The following ROBO2 variants were observed in gnomAD, a reference collection of about 807,000 sequenced individuals.
ROBO2 encodes the protein roundabout guidance receptor 2.
ROBO2 carries 53 observed loss-of-function variants against 160.8 expected under a neutral mutation model. The observed-to-expected ratio is 0.33, with a 90% confidence interval of 0.26 to 0.41. The LOEUF (loss-of-function observed/expected upper bound fraction) is 0.41, where lower values mean the gene tolerates loss of function less well. Ranked by LOEUF, ROBO2 falls within the 10% of genes least tolerant of loss-of-function variation. ROBO2 has a pLI of 1.00. For missense variants in ROBO2, 1,577 were observed against 1,722.4 expected (o/e 0.92, Z 1.49); for synonymous variants, 664 against 611.7 (o/e 1.09, Z -1.26).
At chr3:76,698,757 T>A (rs977730185) in intron 2 of ROBO2, among the ~76,000 whole-genome samples, 1 of 152,206 alleles carries the variant, frequency 6.6e-6, no homozygotes, top group African/African-American at 2.4e-5. Flanking sequence ...GAAAACTATT[T>A]ATTTATCTTT....
intron 2 of ROBO2, among the ~76,000 whole-genome samples, chr3:77,277,277 G>A (rs1000827289): frequency 1.6e-4 from 23 of 141,914 alleles, no homozygotes; most frequent in Non-Finnish European, 3.1e-4. Context: ...TTCTTTTAGA[G>A]TTCATTGCAT....
chr3:76,789,807 T>TA (rs1281612948), intron 2 of ROBO2, among the ~76,000 whole-genome samples: 5 of 151,618 alleles, frequency 3.3e-5, no homozygotes, highest in Admixed American at 6.6e-5. Flanking sequence ...TGTCATGTAT[T>TA]AAGTCAAGGG....
At chr3:76,737,344 G>A (rs1438924356) in intron 2 of ROBO2, among the ~76,000 whole-genome samples, 1 of 151,232 alleles carries the variant, frequency 6.6e-6, no homozygotes, top group African/African-American at 2.4e-5. Context: ...TTCTGTTGTG[G>A]TGTCTGCTAT....
intron 2 of ROBO2, among the ~76,000 whole-genome samples, chr3:75,996,876 T>A (rs1482120688): frequency 6.6e-6 from 1 of 152,144 alleles, no homozygotes; most frequent in Admixed American, 6.5e-5. Flanking sequence ...TATATGTAAA[T>A]CTTCACTACT....
intron 2 of ROBO2, among the ~76,000 whole-genome samples, chr3:76,116,974 T>C (rs1225204770): frequency 6.6e-6 from 1 of 152,176 alleles, no homozygotes; most frequent in East Asian, 1.9e-4. Flanking sequence ...TTCAAAAAAC[T>C]GAAGAAATAG....
intron 2 of ROBO2, among the ~76,000 whole-genome samples, chr3:76,380,652 A>C (rs1351285561): frequency 6.6e-6 from 1 of 152,144 alleles, no homozygotes; most frequent in Admixed American, 6.6e-5. Context: ...CTGACTGTTT[A>C]TGTTATCAGT....
At chr3:76,013,406 C>T (rs111652457) in intron 2 of ROBO2, among the ~76,000 whole-genome samples, 24 of 142,934 alleles carry the variant, frequency 1.7e-4, no homozygotes, top group East Asian at 6.6e-4. Context: ...GGCACGGTGG[C>T]TTATGTGTGT....
rs564454068 is a variant in ROBO2 at position 76,266,309 on chromosome 3, G to A, written c.109+328707G>A. The stretch of plus-strand genomic sequence containing the variant: ...AATATAGAAAACTTTTTAAAATCAA[G>A]GGTTGACAAATTATTATCCATTGAC... On this transcript the variant is annotated intron_variant, in intron 2 of 26. Transcript: ENST00000487694. 1.8e-4 allele frequency among the ~76,000 whole-genome samples: 28 copies of A among 152,172 alleles called. No homozygotes were observed. In the South Asian group the frequency reaches 5.2e-3, roughly 28 times the overall value.
chr3:76,002,754 C>T (rs1215560841), intron 2 of ROBO2, among the ~76,000 whole-genome samples: 3 of 152,076 alleles, frequency 2.0e-5, no homozygotes, highest in African/African-American at 2.4e-5. Context: ...AGCTTCAAGA[C>T]ATTAGGAGAG....
chr3:76,569,806 T>C (rs1387416573), intron 2 of ROBO2, among the ~76,000 whole-genome samples: 1 of 152,102 alleles, frequency 6.6e-6, no homozygotes, highest in Non-Finnish European at 1.5e-5. Context: ...TTTATGCTTA[T>C]TAAAGGACCC....
intron 2 of ROBO2, among the ~76,000 whole-genome samples, chr3:77,137,026 C>T (rs1429268909): frequency 6.6e-6 from 1 of 152,156 alleles, no homozygotes; most frequent in African/African-American, 2.4e-5. Flanking sequence ...TCAAGCAGTC[C>T]TCCCACTTTG....
chr3:76,524,681 A>G (rs941666296), intron 2 of ROBO2, among the ~76,000 whole-genome samples: 1 of 151,516 alleles, frequency 6.6e-6, no homozygotes, highest in Non-Finnish European at 1.5e-5. Context: ...AAAACAATGT[A>G]TGTATTGGAA....
chr3:76,281,929 A>T (rs1708254702), intron 2 of ROBO2, among the ~76,000 whole-genome samples: 1 of 152,014 alleles, frequency 6.6e-6, no homozygotes, highest in Non-Finnish European at 1.5e-5. Flanking sequence ...AGCTTACCCA[A>T]TGCCAAGCAC....
At chr3:77,176,214 GA>G (rs201850640) in intron 2 of ROBO2, among the ~76,000 whole-genome samples, 24 of 151,248 alleles carry the variant, frequency 1.6e-4, no homozygotes, top group African/African-American at 5.1e-4. Flanking sequence ...AGCTAATTGA[GA>G]AAAAAAAGGT....
intron 2 of ROBO2, among the ~76,000 whole-genome samples, chr3:77,215,629 C>T (rs992440667): frequency 5.9e-5 from 9 of 152,192 alleles, no homozygotes; most frequent in Non-Finnish European, 1.2e-4. Context: ...TGAGGAGCTG[C>T]GTTCCTTTGG....
intron 2 of ROBO2, among the ~76,000 whole-genome samples, chr3:76,369,717 G>C (rs1297690769): frequency 6.6e-6 from 1 of 151,808 alleles, no homozygotes; most frequent in African/African-American, 2.4e-5. Flanking sequence ...CAACTCTCCA[G>C]CTACTTATAC....
chr3:76,229,664 T>G (rs1704503652), intron 2 of ROBO2, among the ~76,000 whole-genome samples: 1 of 152,196 alleles, frequency 6.6e-6, no homozygotes, highest in Admixed American at 6.5e-5. Flanking sequence ...CAGGTTTTAC[T>G]TTTTGTTTTG....
intron 2 of ROBO2, among the ~76,000 whole-genome samples, chr3:76,855,712 G>A (rs2069984501): frequency 6.6e-6 from 1 of 152,108 alleles, no homozygotes; most frequent in Non-Finnish European, 1.5e-5. Flanking sequence ...GCAGTAGTTT[G>A]ACATTTTTAT....
intron 2 of ROBO2, among the ~76,000 whole-genome samples, chr3:77,299,510 C>T (rs2062458303): frequency 1.3e-5 from 2 of 152,056 alleles, no homozygotes; most frequent in South Asian, 2.1e-4. Context: ...TCCTTCTTCA[C>T]GTGGCAGCAG....
Sources: allele counts gnomAD v4.1 joint callset (sites outside exome capture counted in the v4.1 genomes callset), GRCh38; gene constraint gnomAD v4.1.1; transcripts MANE v1.5; gene names NCBI Gene and HGNC (gene_info 2026-07-23, HGNC 2026-07-21).